Variants in PIK3R1 observed in about 807,000 individuals in gnomAD.
The protein encoded by PIK3R1 is phosphatidylinositol 3-kinase regulatory subunit alpha.
Under a neutral mutation model 98.0 loss-of-function variants are expected in PIK3R1, and 29 were observed. The ratio of observed to expected loss-of-function variants is 0.30; its 90% confidence interval spans 0.22 to 0.40. PIK3R1 has a LOEUF of 0.40. Ranked by LOEUF, PIK3R1 falls within the 10% of genes least tolerant of loss-of-function variation. The probability of loss-of-function intolerance (pLI) is 1.00; values close to 1 mark genes in which losing one functional copy is unlikely to be tolerated. For synonymous variants in PIK3R1, 282 were observed against 311.8 expected (o/e 0.90, Z 1.01); for missense variants, 596 against 872.7 (o/e 0.68, Z 3.99).
At chr5:68,282,679 C>T (rs530267532) in intron 7 of PIK3R1, among the ~76,000 whole-genome samples, 1 of 152,160 alleles carries the variant, frequency 6.6e-6, no homozygotes, top group African/African-American at 2.4e-5. Flanking sequence ...TAATGCCACC[C>T]GGAAAGCTGT....
intron 1 of PIK3R1, among the ~76,000 whole-genome samples, chr5:68,217,260 G>A (rs1470042258): frequency 2.0e-5 from 3 of 152,122 alleles, no homozygotes; most frequent in Admixed American, 6.5e-5. Flanking sequence ...TTGATGTGGA[G>A]TTATATTTTA....
At chr5:68,271,469 C>T (rs1205340473) in intron 2 of PIK3R1, among the ~76,000 whole-genome samples, 2 of 152,154 alleles carry the variant, frequency 1.3e-5, no homozygotes, top group East Asian at 1.9e-4. Flanking sequence ...AAAGCTGACT[C>T]GGGAATCTTT....
In PIK3R1 at chr5:68,273,413, G is replaced by C; in HGVS notation, c.358G>C (p.Glu120Gln). The change falls in exon 3 of 16, where the codon GAG becomes CAG. Residue 120 changes from glutamate (E) to glutamine (Q), a missense_variant. Physicochemically the swap from Glu to Gln is conservative, Grantham distance 29. Around this residue, in one of 3 missense-constraint regions of PIK3R1, gnomAD observed 352 missense variants for 393.3 expected, o/e 0.90. Transcript: ENST00000521381. The stretch of plus-strand genomic sequence containing the variant: ...AGCTTTGACTCTCCCGGATCTTGCA[G>C]AGCAGTTTGCCCCTCCTGACATTGC... ...QQALTLPDLA[E>Q]QFAPPDIAPP... 1 of 1,614,078 alleles carries C rather than the reference G, an allele frequency of 6.2e-7. No individual in the cohort carries two copies. Among genetic ancestry groups the C allele is most frequent in the Non-Finnish European group, 8.5e-7 (1 of 1,179,982 alleles).
intron 2 of PIK3R1, among the ~76,000 whole-genome samples, chr5:68,271,073 AAAAGAGTATGTCCT>A (rs1746338160): frequency 6.6e-6 from 1 of 152,198 alleles, no homozygotes; most frequent in African/African-American, 2.4e-5. Context: ...TTTTCTTATC[AAAAGAGTATGTCCT>A]AAAGCTTATT....
intron 13 of PIK3R1, 47 bp from the exon 14 acceptor site, chr5:68,295,373 C>T (rs1244422629): frequency 6.2e-7 from 1 of 1,612,100 alleles, no homozygotes; most frequent in East Asian, 2.2e-5. Flanking sequence ...GTGATTGCTA[C>T]AATTCAGGAT....
At position 68,295,410 on chromosome 5, in the gene PIK3R1, T is replaced by C. The variant is rs768420564; in HGVS notation, c.1746-10T>C. The C allele has an allele frequency of 5.6e-6, 9 of 1,614,024 alleles. No homozygotes were observed. In the African/African-American group the frequency reaches 6.7e-5, roughly 12 times the overall value. On this transcript the variant is annotated splice_polypyrimidine_tract_variant and intron_variant, in intron 13 of 15. Coordinates refer to ENST00000521381, the MANE Select transcript of PIK3R1 (RefSeq NM_181523.3). ...AGTTAATGCGTTCTCTTTTCAAAAC[T>C]GTTTTTCAGGTGGTTGACTCAAAAA...
At chr5:68,284,008 C>T (rs1422154985) in intron 7 of PIK3R1, among the ~76,000 whole-genome samples, 2 of 152,168 alleles carry the variant, frequency 1.3e-5, no homozygotes, top group Non-Finnish European at 2.9e-5. Flanking sequence ...CAAATCACTC[C>T]ATGAGCTGTG....
chr5:68,247,438 A>G (rs186412270), intron 2 of PIK3R1, among the ~76,000 whole-genome samples: 4 of 152,238 alleles, frequency 2.6e-5, no homozygotes, highest in Admixed American at 1.3e-4. Flanking sequence ...AGCTGGGACT[A>G]CAGGCGTGCG....
Position 68,301,392 on chromosome 5 carries a change from GTATATATATATATATATATATATA to G in PIK3R1, c.*3809_*3832del, listed in dbSNP as rs70987200. 4.4e-5 allele frequency: 2 copies of G among 45,306 alleles called. No individual in the cohort carries two copies. Among genetic ancestry groups the G allele is most frequent in the Admixed American group, 3.3e-4 (1 of 3,008 alleles). 2.8% of individuals were successfully genotyped at this position (45,306 alleles called of 1,614,324 possible). A position where few individuals can be genotyped will look rare whatever the true frequency, so the allele number is the denominator to read the frequency against. ...TGTGTGTGTGTGTGTGTGTGTGTGT[GTATATATATATATATATATATATA>G]TATATATATATATATATGTGTGTGT... On this transcript the variant is annotated 3_prime_UTR_variant, in exon 16 of 16. Transcript: ENST00000521381.
chr5:68,275,520 T>TAAAA (rs58065578), intron 4 of PIK3R1, among the ~76,000 whole-genome samples: 2 of 143,122 alleles, frequency 1.4e-5, no homozygotes. Context: ...TTTAGTTATT[T>TAAAA]AAAAAAAAAA....
At chr5:68,259,111 C>T (rs1464184960) in intron 2 of PIK3R1, among the ~76,000 whole-genome samples, 1 of 152,176 alleles carries the variant, frequency 6.6e-6, no homozygotes, top group East Asian at 1.9e-4. Flanking sequence ...GAGCCACCAG[C>T]CACATGGTCA....
At chr5:68,273,834 G>A (rs1271889810) in intron 3 of PIK3R1, 105 bp from the exon 4 acceptor site, 1 of 867,218 alleles carries the variant, frequency 1.2e-6, no homozygotes, top group Non-Finnish European at 2.0e-6. Flanking sequence ...TACACATCTA[G>A]AACAGATACT....
chr5:68,238,549 G>A (rs1284321804), intron 2 of PIK3R1, among the ~76,000 whole-genome samples: 7 of 152,044 alleles, frequency 4.6e-5, no homozygotes, highest in Non-Finnish European at 8.8e-5. Flanking sequence ...GGATGAAATC[G>A]GAGTGAAACA....
chr5:68,227,460 C>G (rs1360389419), intron 2 of PIK3R1, among the ~76,000 whole-genome samples: 2 of 152,038 alleles, frequency 1.3e-5, no homozygotes, highest in Non-Finnish European at 2.9e-5. Context: ...GCAAATATTC[C>G]AAAATCCAGA....
At chr5:68,272,770 C>T (rs1746414293) in intron 2 of PIK3R1, among the ~76,000 whole-genome samples, 1 of 152,116 alleles carries the variant, frequency 6.6e-6, no homozygotes, top group South Asian at 2.1e-4. Context: ...ATCAAGTGGG[C>T]AGTGATCATT....
intron 7 of PIK3R1, among the ~76,000 whole-genome samples, chr5:68,285,951 G>A (rs1747060814): frequency 6.6e-6 from 1 of 152,048 alleles, no homozygotes; most frequent in South Asian, 2.1e-4. Flanking sequence ...TGAAGATTTT[G>A]GTTAATTTTT....
chr5:68,281,031 T>G, intron 7 of PIK3R1, 25 bp downstream of exon 7: 4 of 1,493,014 alleles, frequency 2.7e-6, no homozygotes, highest in Non-Finnish European at 3.7e-6. Flanking sequence ...GCATTTAACA[T>G]TCTCTCATTG....
At chr5:68,288,492 G>T in intron 7 of PIK3R1, 2 of 1,313,270 alleles carry the variant, frequency 1.5e-6, no homozygotes, top group Non-Finnish European at 1.9e-6. Flanking sequence ...GCACTGCCGG[G>T]CGGGGCGTGG....
rs755300178 is a variant in PIK3R1 at position 68,273,996 on chromosome 5, G to A, written c.485G>A (p.Arg162Gln). The A allele has an allele frequency of 6.2e-6, 10 of 1,613,726 alleles. No individual in the cohort carries two copies. Among genetic ancestry groups the A allele is most frequent in the African/African-American group, 2.7e-5 (2 of 75,024 alleles). Reference sequence around the variant, plus strand: ...AGCTCCAGCAACCTGGCAGAATTACGACAGCTTCTTGATTGTGGTGAGTGT... The same window carrying A: ...AGCTCCAGCAACCTGGCAGAATTACAACAGCTTCTTGATTGTGGTGAGTGT... ...TQSSSNLAEL[R>Q]QLLDCDTPSV... Residue 162 changes from arginine to glutamine, a missense_variant, in exon 4 of 16, where the codon CGA becomes CAA. By Grantham distance (43) the Arg-to-Gln change is conservative. Around this residue, in one of 3 missense-constraint regions of PIK3R1, gnomAD observed 352 missense variants for 393.3 expected, o/e 0.90. Transcript: ENST00000521381.
Sources: allele counts gnomAD v4.1 joint callset (sites outside exome capture counted in the v4.1 genomes callset), GRCh38; gene constraint gnomAD v4.1.1; regional missense constraint gnomAD v4.1.1; transcripts MANE v1.5; gene names NCBI Gene and HGNC (gene_info 2026-07-23, HGNC 2026-07-21).